The following COL1A1 variants were observed in gnomAD, a reference collection of about 807,000 sequenced individuals.
COL1A1 encodes collagen alpha-1(I) chain.
In COL1A1, 21 loss-of-function variants were observed where a neutral mutation model predicts 195.7. The ratio of observed to expected loss-of-function variants is 0.11; its 90% CI spans 0.08 to 0.15. COL1A1 has a LOEUF of 0.15. COL1A1 is among the 10% of genes least tolerant of loss of function. The pLI, the probability that COL1A1 is intolerant of heterozygous loss-of-function variation, is 1.00. For missense variants in COL1A1, 1,365 were observed against 2,051.0 expected (o/e 0.67, Z 6.46); for synonymous variants, 749 against 747.3 (o/e 1.00, Z -0.04).
In COL1A1 at chr17:50,187,120, A is replaced by G; in HGVS notation, c.3426T>C (p.Gly1142=). 6.2e-7 allele frequency: 1 copy of G among 1,604,650 alleles called. No individual in the cohort carries two copies. The highest frequency in any genetic ancestry group is 8.5e-7 in the Non-Finnish European group (1 of 1,175,284). ...CAGGAGCACCAGCAGAGCCAGGGGGACCCTGGAGTGGGGGAAATGGTTTGA... is the reference window on the plus strand; with the variant it reads ...CAGGAGCACCAGCAGAGCCAGGGGGGCCCTGGAGTGGGGGAAATGGTTTGA... The part of the protein sequence containing the change: ...SGASGPAGPR[G]PPGSAGAPGK... The change falls in exon 47 of 51, where the codon GGT becomes GGC. Residue 1142 remains glycine, a splice_region_variant and synonymous_variant. Transcript: ENST00000225964.
Position 50,196,365 on chromosome 17 carries a change from G to T in COL1A1, c.906C>A (p.Gly302=). Residue 302 remains glycine, a splice_region_variant and synonymous_variant, in exon 14 of 51, where the codon GGC becomes GGA. Transcript: ENST00000225964. Reference sequence around the variant, plus strand: ...CTCTCTCACCAGGCAGGCCACGGGGGCCCTGACAACCAAACCAAGAGAAGT... The same window carrying T: ...CTCTCTCACCAGGCAGGCCACGGGGTCCCTGACAACCAAACCAAGAGAAGT... ...PGENGAPGQM[G]PRGLPGERGR... 3 of 1,613,620 alleles carry T rather than the reference G, an allele frequency of 1.9e-6. No homozygotes were observed. Among genetic ancestry groups the T allele is most frequent in the Non-Finnish European group, 1.7e-6 (2 of 1,179,746 alleles).
chr17:50,191,315 T>G, intron 32 of COL1A1, 68 bp downstream of exon 32: 4 of 1,346,998 alleles, frequency 3.0e-6, no homozygotes, highest in Admixed American at 1.7e-5. Flanking sequence ...GGAGAGATGC[T>G]GAGAGATTCA....
In COL1A1 at chr17:50,186,614, A is replaced by C; in HGVS notation, c.3814+26T>G. 1 of 1,613,190 alleles carries C rather than the reference A, an allele frequency of 6.2e-7. No individual in the cohort carries two copies. ...CCCTGGCATGGCAGGAGTAGGAGGG[A>C]GGGAGAGGCTAGGGCAGGCCCTCAC... On this transcript the variant is annotated intron_variant, in intron 48 of 50. Coordinates refer to ENST00000225964, the MANE Select transcript of COL1A1 (RefSeq NM_000088.4). The surrounding 1 kb of genome is among the most constrained non-coding windows in gnomAD (Gnocchi z 5.3).
intron 25 of COL1A1, chr17:50,193,624 G>T (rs942110005): frequency 7.2e-5 from 27 of 374,476 alleles, no homozygotes; most frequent in Admixed American, 3.0e-4. Flanking sequence ...TGGGGTTACA[G>T]GTGCACACCA....
intron 1 of COL1A1, among the ~76,000 whole-genome samples, chr17:50,200,841 G>C (rs1426652232): frequency 6.6e-6 from 1 of 152,190 alleles, no homozygotes; most frequent in Non-Finnish European, 1.5e-5. Flanking sequence ...TCCTGCCCCA[G>C]TAAGCGTTGG....
Position 50,194,200 on chromosome 17 carries a change from G to T in COL1A1, c.1615-17C>A, listed in dbSNP as rs369312514. On this transcript the variant is annotated splice_polypyrimidine_tract_variant and intron_variant, in intron 23 of 50. Transcript: ENST00000225964. The surrounding 1 kb of genome is among the most constrained non-coding windows in gnomAD (Gnocchi z 6.8). ...AGTCAGACCCTAGGGAGGCAGAGAG[G>T]TATGAGTGGGACTTGGGGAGAAGCA... 6.2e-6 allele frequency: 10 copies of T among 1,613,108 alleles called. No individual in the cohort carries two copies. The highest frequency in any genetic ancestry group is 4.0e-5 in the African/African-American group (3 of 74,992).
At position 50,195,765 on chromosome 17, in the gene COL1A1, G is replaced by T; in HGVS notation, c.1057-100C>A. The stretch of plus-strand genomic sequence containing the variant: ...GGGGAGACAGGGACAGGAGAGCAAT[G>T]ATCAGGACTCTAAGATCAGAGACGG... On this transcript the variant is annotated intron_variant, in intron 16 of 50. Coordinates refer to ENST00000225964, the MANE Select transcript of COL1A1 (RefSeq NM_000088.4). This position sits in a 1 kb window ranked among gnomAD's most constrained non-coding sequence, Gnocchi z 4.3. 1 of 1,373,210 alleles carries T rather than the reference G, an allele frequency of 7.3e-7. No individual in the cohort carries two copies. The highest frequency in any genetic ancestry group is 1.0e-6 in the Non-Finnish European group (1 of 980,284). 85.1% of individuals were successfully genotyped at this position (1,373,210 alleles called of 1,614,324 possible). A position where few individuals can be genotyped will look rare whatever the true frequency, so the allele number is the denominator to read the frequency against.
At chr17:50,200,455 G>A (rs2696255) in intron 1 of COL1A1, among the ~76,000 whole-genome samples, 5 of 152,078 alleles carry the variant, frequency 3.3e-5, no homozygotes, top group Non-Finnish European at 2.9e-5. Flanking sequence ...TTGGAAGGGA[G>A]GCCCCCCCAA....
rs777955759 is a variant in COL1A1 at position 50,194,046 on chromosome 17, G to A, written c.1669-5C>T. On this transcript the variant is annotated splice_region_variant and splice_polypyrimidine_tract_variant and intron_variant, in intron 24 of 50. Transcript: ENST00000225964. This position sits in a 1 kb window ranked among gnomAD's most constrained non-coding sequence, Gnocchi z 6.8. ...ACCATCTTGACCGGCGGGACCCTAA[G>A]GATGGGAGGCACGAAAGCAGCAGTG... 1.9e-6 allele frequency: 3 copies of A among 1,613,678 alleles called. No individual in the cohort carries two copies. The highest frequency in any genetic ancestry group is 1.1e-5 in the South Asian group (1 of 91,058).
At position 50,195,712 on chromosome 17, in the gene COL1A1, A is replaced by G. The variant is rs569645618; in HGVS notation, c.1057-47T>C. On this transcript the variant is annotated intron_variant, in intron 16 of 50. Coordinates refer to ENST00000225964, the MANE Select transcript of COL1A1 (RefSeq NM_000088.4). This position sits in a 1 kb window ranked among gnomAD's most constrained non-coding sequence, Gnocchi z 4.3. ...ATCAGAAGCCACCCTGGGAAACCCA[A>G]CCTTGCCTCTCGGGATGGCAGGAGG... is the stretch of plus-strand genomic sequence containing the variant. The G allele has an allele frequency of 1.3e-6, 2 of 1,583,098 alleles. No homozygotes were observed. Among genetic ancestry groups the G allele is most frequent in the Admixed American group, 1.7e-5 (1 of 58,226 alleles).
chr17:50,192,294 C>G, intron 29 of COL1A1, 181 bp downstream of exon 29: 1 of 778,448 alleles, frequency 1.3e-6, no homozygotes, highest in Middle Eastern at 3.6e-4. Flanking sequence ...AAGAAGTCAC[C>G]CAGACTAGCA....
rs1907465118 is a variant in COL1A1, at chr17:50,195,158, C to A, written c.1300-58G>T. On this transcript the variant is annotated intron_variant, in intron 19 of 50. Transcript: ENST00000225964. This position sits in a 1 kb window ranked among gnomAD's most constrained non-coding sequence, Gnocchi z 4.3. The stretch of plus-strand genomic sequence containing the variant: ...TCGGGGGCGCTCAGTTGGCCTGCGT[C>A]TTCCTGCTCCCCAGATGAGAGCCGC... 7 of 1,608,072 alleles carry A rather than the reference C, an allele frequency of 4.4e-6. No individual in the cohort carries two copies. The South Asian group carries it at 6.6e-5, about 15-fold the overall frequency.
At chr17:50,197,084 C>A (rs1318708182) in intron 10 of COL1A1, 21 bp from the exon 11 acceptor site, 2 of 1,614,152 alleles carry the variant, frequency 1.2e-6, no homozygotes, top group Admixed American at 3.3e-5. Context: ...ATGAAGAAGA[C>A]AAGGAAGGGC....
In COL1A1 at chr17:50,199,833, A is replaced by G; in HGVS notation, c.218T>C (p.Val73Ala). Residue 73 changes from valine (V) to alanine (A), a missense_variant, in exon 2 of 51, where the codon GTG (valine) becomes GCG (alanine). By Grantham distance (64) the Val-to-Ala change is moderately conservative (BLOSUM62 0). Coordinates refer to ENST00000225964, the MANE Select transcript of COL1A1 (RefSeq NM_000088.4). ...GCAGTTCTTGGTCTCGTCACAGATC[A>G]CGTCATCGCACAACACCTTGCCGTT... ...CDNGKVLCDD[V>A]ICDETKNCPG... 2 of 1,614,100 alleles carry G rather than the reference A, an allele frequency of 1.2e-6. No individual in the cohort carries two copies. Among genetic ancestry groups the G allele is most frequent in the Non-Finnish European group, 1.7e-6 (2 of 1,179,994 alleles).
In COL1A1 at chr17:50,194,526, G is replaced by A. The variant is rs1907389766; in HGVS notation, c.1515+47C>T. The A allele has an allele frequency of 6.2e-7, 1 of 1,611,370 alleles. No homozygotes were observed. The highest frequency in any genetic ancestry group is 1.1e-5 in the South Asian group (1 of 90,916). On this transcript the variant is annotated intron_variant, in intron 22 of 50. Coordinates refer to ENST00000225964, the MANE Select transcript of COL1A1 (RefSeq NM_000088.4). This position sits in a 1 kb window ranked among gnomAD's most constrained non-coding sequence, Gnocchi z 6.8. ...CCACGGGCCAAAAGAGGAAGAAGATGCCCAGGGAGCGGCAGGGTCAGCCCC... is the reference window on the plus strand; with the variant it reads ...CCACGGGCCAAAAGAGGAAGAAGATACCCAGGGAGCGGCAGGGTCAGCCCC...
rs750040559 is a variant in COL1A1 at position 50,185,451 on chromosome 17, TG to T, written c.*50del. ...TTGGGTTGCTTGTCTGTTTCCGGGTTGGGGGGAAAGTTGGTTGGGTGGGAGG... is the reference window on the plus strand; with the variant it reads ...TTGGGTTGCTTGTCTGTTTCCGGGTTGGGGGAAAGTTGGTTGGGTGGGAGG... On this transcript the variant is annotated 3_prime_UTR_variant, in exon 51 of 51. Transcript: ENST00000225964. 3.7e-6 allele frequency: 6 copies of T among 1,605,528 alleles called. No homozygotes were observed. The highest frequency in any genetic ancestry group is 1.3e-5 in the African/African-American group (1 of 74,164).
At position 50,195,709 on chromosome 17, in the gene COL1A1, C is replaced by G; in HGVS notation, c.1057-44G>C. The G allele has an allele frequency of 6.3e-7, 1 of 1,586,908 alleles. No homozygotes were observed. Among genetic ancestry groups the G allele is most frequent in the Middle Eastern group, 1.7e-4 (1 of 5,820 alleles). ...CATATCAGAAGCCACCCTGGGAAAC[C>G]CAACCTTGCCTCTCGGGATGGCAGG... On this transcript the variant is annotated intron_variant, in intron 16 of 50. Transcript: ENST00000225964. The surrounding 1 kb of genome is among the most constrained non-coding windows in gnomAD (Gnocchi z 4.3).
rs1424386995 is a variant in COL1A1, at chr17:50,201,530, T to A, written c.-17A>T. The stretch of plus-strand genomic sequence containing the variant: ...GCTGAACATGTCTAGACCCTAGACA[T>A]GTAGACTCTTTGTGGCTGGGGAGGG... On this transcript the variant is annotated 5_prime_UTR_variant, in exon 1 of 51. It removes an upstream start codon present in the reference 5' UTR. Transcript: ENST00000225964. The A allele has an allele frequency of 6.2e-7, 1 of 1,604,126 alleles. No individual in the cohort carries two copies. Among genetic ancestry groups the A allele is most frequent in the Non-Finnish European group, 8.5e-7 (1 of 1,176,340 alleles).
intron 29 of COL1A1, 171 bp downstream of exon 29, chr17:50,192,304 A>G: frequency 1.2e-6 from 1 of 808,960 alleles, no homozygotes; most frequent in Non-Finnish European, 2.1e-6. Context: ...CCAGACTAGC[A>G]ATCATGCAGC....
Sources: allele counts gnomAD v4.1 joint callset (sites outside exome capture counted in the v4.1 genomes callset), GRCh38; gene constraint gnomAD v4.1.1; non-coding constraint Gnocchi (gnomAD v3.1); transcripts MANE v1.5; gene names NCBI Gene and HGNC (gene_info 2026-07-23, HGNC 2026-07-21).